BCL11B: variants seen among roughly 807,000 people sequenced by gnomAD.
The protein encoded by BCL11B is BCL11 transcription factor B.
BCL11B carries 8 observed loss-of-function variants against 49.9 expected under a neutral mutation model. That is an observed-to-expected ratio of 0.16 (90% confidence interval 0.09 to 0.29). The LOEUF is 0.29. Ranked by LOEUF, BCL11B falls within the 10% of genes least tolerant of loss-of-function variation. The pLI is 1.00. For missense variants in BCL11B, 1,006 were observed against 1,351.0 expected, an observed-to-expected ratio of 0.74 and a Z score of 4.00; for synonymous variants, 739 against 637.4, an observed-to-expected ratio of 1.16 and a Z score of -2.40.
At chr14:99,217,526 G>A (rs758220677) in intron 3 of BCL11B, among the ~76,000 whole-genome samples, 6 of 152,156 alleles carry the variant, frequency 3.9e-5, no homozygotes, top group African/African-American at 7.2e-5. Context: ...TGAAAAAGCC[G>A]TGGAATGTTT....
At chr14:99,259,620 C>T (rs192388160) in intron 1 of BCL11B, among the ~76,000 whole-genome samples, 1 of 152,212 alleles carries the variant, frequency 6.6e-6, no homozygotes, top group Non-Finnish European at 1.5e-5. Flanking sequence ...AGAAACGCCC[C>T]GCAGACGAGG....
At chr14:99,261,442 G>A (rs181957285) in intron 1 of BCL11B, among the ~76,000 whole-genome samples, 9 of 152,252 alleles carry the variant, frequency 5.9e-5, no homozygotes, top group South Asian at 2.1e-4. Flanking sequence ...TGAGTCTCCC[G>A]GCTCTGCACA....
rs948337726 is a variant in BCL11B at position 99,205,171 on chromosome 14, G to C, written c.640+26174C>G. 1.3e-4 allele frequency among the ~76,000 whole-genome samples: 20 copies of C among 152,048 alleles called. 1 individual carries two copies. Among genetic ancestry groups the C allele is most frequent in the Non-Finnish European group, 2.8e-4 (19 of 67,986 alleles). On this transcript the variant is annotated intron_variant, in intron 3 of 3. Transcript: ENST00000357195. The surrounding 1 kb of genome is among the most constrained non-coding windows in gnomAD (Gnocchi z 5.0). ...GGAAGAGGGAATTAAAAAAAAAACAGGCCCTTGAACGAACCGAGGGCCCTC... is the reference window on the plus strand; with the variant it reads ...GGAAGAGGGAATTAAAAAAAAAACACGCCCTTGAACGAACCGAGGGCCCTC...
At chr14:99,233,714 G>C (rs1334913355) in intron 2 of BCL11B, among the ~76,000 whole-genome samples, 5 of 152,218 alleles carry the variant, frequency 3.3e-5, no homozygotes, top group African/African-American at 1.2e-4. Flanking sequence ...AAACGTCCAA[G>C]GTGGGGCTCA....
chr14:99,182,925 G>A (rs553616514), intron 3 of BCL11B, among the ~76,000 whole-genome samples: 34 of 152,210 alleles, frequency 2.2e-4, no homozygotes, highest in Non-Finnish European at 4.1e-4. Context: ...CTGAATGAGC[G>A]TGGTAGCACT....
chr14:99,197,488 G>A (rs1279867782), intron 3 of BCL11B, among the ~76,000 whole-genome samples: 1 of 152,120 alleles, frequency 6.6e-6, no homozygotes, highest in African/African-American at 2.4e-5. Flanking sequence ...ATTGAAGATT[G>A]GAAAGAGAAT....
intron 3 of BCL11B, among the ~76,000 whole-genome samples, chr14:99,204,513 C>T (rs1024363846): frequency 6.6e-6 from 1 of 152,152 alleles, no homozygotes; most frequent in Non-Finnish European, 1.5e-5. Flanking sequence ...ATCATTCACT[C>T]CACAGTGCTC....
chr14:99,192,207 C>T lies in BCL11B; in HGVS notation c.641-16012G>A, dbSNP rs1887052217. Among the ~76,000 whole-genome samples, 1 of 152,210 alleles carries T rather than the reference C, an allele frequency of 6.6e-6. No individual in the cohort carries two copies. On this transcript the variant is annotated intron_variant, in intron 3 of 3. Coordinates refer to ENST00000357195, the MANE Select transcript of BCL11B (RefSeq NM_138576.4). This position sits in a 1 kb window ranked among gnomAD's most constrained non-coding sequence, Gnocchi z 4.0. The stretch of plus-strand genomic sequence containing the variant: ...GGAATGCGTGTGTTTTGCTTGGCGG[C>T]TGTTCATAATACTGTCTTGGCAGCG...
intron 3 of BCL11B, among the ~76,000 whole-genome samples, chr14:99,181,704 G>A (rs916488254): frequency 2.0e-5 from 3 of 152,222 alleles, no homozygotes; most frequent in African/African-American, 7.2e-5. Context: ...GAGCAAGCGA[G>A]CCTGCGGGGT....
At chr14:99,204,233 A>G (rs1373253037) in intron 3 of BCL11B, among the ~76,000 whole-genome samples, 1 of 152,192 alleles carries the variant, frequency 6.6e-6, no homozygotes, top group Non-Finnish European at 1.5e-5. Context: ...TCCATGCACA[A>G]GCTGCCTGGT....
intron 3 of BCL11B, among the ~76,000 whole-genome samples, chr14:99,198,855 A>C (rs866297686): frequency 7.9e-5 from 12 of 152,118 alleles, no homozygotes; most frequent in African/African-American, 2.4e-4. Flanking sequence ...TCTTCGGCGA[A>C]TGGGGCTAGC....
chr14:99,215,959 G>A lies in BCL11B; in HGVS notation c.640+15386C>T, dbSNP rs532875533. On this transcript the variant is annotated intron_variant, in intron 3 of 3. Coordinates refer to ENST00000357195, the MANE Select transcript of BCL11B (RefSeq NM_138576.4). The stretch of plus-strand genomic sequence containing the variant: ...GCCCCCAGGAACAGAGGGCAGTGCC[G>A]GGAACAGAGGAAAAAGCCCCGTGGA... Among the ~76,000 whole-genome samples, 18 of 152,214 alleles carry A rather than the reference G, an allele frequency of 1.2e-4. No individual in the cohort carries two copies. The South Asian group carries it at 3.1e-3, about 26-fold the overall frequency.
intron 3 of BCL11B, among the ~76,000 whole-genome samples, chr14:99,218,083 T>TTTTTAA (rs1887904634): frequency 7.1e-6 from 1 of 140,452 alleles, no homozygotes; most frequent in African/African-American, 2.5e-5. Context: ...TTTTTTTTTT[T>TTTTTAA]GAGACAGAGT....
At chr14:99,177,780 ACT>A (rs1886583436) in intron 3 of BCL11B, among the ~76,000 whole-genome samples, 1 of 151,774 alleles carries the variant, frequency 6.6e-6, no homozygotes, top group Middle Eastern at 3.4e-3. Context: ...CCCCTGTCTC[ACT>A]CTCTCCACCA....
At chr14:99,268,895 G>C (rs1436589007) in intron 1 of BCL11B, among the ~76,000 whole-genome samples, 3 of 152,108 alleles carry the variant, frequency 2.0e-5, no homozygotes, top group East Asian at 3.9e-4. Flanking sequence ...TTTCCCCAGC[G>C]TGGCTCTGAG....
intron 1 of BCL11B, among the ~76,000 whole-genome samples, chr14:99,270,048 G>A (rs907649238): frequency 6.6e-6 from 1 of 152,058 alleles, no homozygotes; most frequent in Non-Finnish European, 1.5e-5. Context: ...GGGGACTCGG[G>A]GCGGGTTCCC....
At chr14:99,265,483 AT>A (rs1389084511) in intron 1 of BCL11B, among the ~76,000 whole-genome samples, 1 of 151,436 alleles carries the variant, frequency 6.6e-6, no homozygotes, top group South Asian at 2.1e-4. Flanking sequence ...TCCCCCATAT[AT>A]TTTTTCCTGC....
chr14:99,175,323 G>A lies in BCL11B; in HGVS notation c.1513C>T (p.Leu505=). 6.5e-7 allele frequency: 1 copy of A among 1,546,966 alleles called. No individual in the cohort carries two copies. The highest frequency in any genetic ancestry group is 1.2e-5 in the South Asian group (1 of 85,596). ...GCCGCCTTGAGGCCCTCGCCCGCCA[G>A]CTCGCTGGTGCCGGGCTCGGGGGAG... ...ASSPEPGTSE[L]AGEGLKAADG... is the part of the protein sequence containing the mutation. Residue 505 remains leucine, a synonymous_variant, in exon 4 of 4, where the codon CTG becomes TTG. Transcript: ENST00000357195.
chr14:99,181,641 G>A (rs1886706533), intron 3 of BCL11B, among the ~76,000 whole-genome samples: 1 of 152,234 alleles, frequency 6.6e-6, no homozygotes, highest in Admixed American at 6.5e-5. Flanking sequence ...ACCCGGTCAG[G>A]TCCACCACAG....
Sources: allele counts gnomAD v4.1 joint callset (sites outside exome capture counted in the v4.1 genomes callset), GRCh38; gene constraint gnomAD v4.1.1; non-coding constraint Gnocchi (gnomAD v3.1); transcripts MANE v1.5; gene names NCBI Gene and HGNC (gene_info 2026-07-23, HGNC 2026-07-21).